The following TAF5L variants were observed in gnomAD, a reference collection of about 807,000 sequenced individuals.
TAF5L encodes the protein TATA-box binding protein associated factor 5 like.
Under a neutral mutation model 51.3 loss-of-function variants are expected in TAF5L, and 7 were observed. The observed-to-expected ratio is 0.14, with a 90% confidence interval of 0.08 to 0.26. The LOEUF (loss-of-function observed/expected upper bound fraction) is 0.26. Among genes scored for constraint, TAF5L ranks in the 10% least tolerant of loss-of-function variants. The pLI, the probability that TAF5L is intolerant of heterozygous loss-of-function variation, is 1.00. For missense variants in TAF5L, 575 were observed against 758.9 expected (o/e 0.76, Z 2.85); for synonymous variants, 291 against 308.1 (o/e 0.94, Z 0.58).
At chr1:229,624,497 T>A (rs376464451) in intron 1 of TAF5L, among the ~76,000 whole-genome samples, 1 of 152,108 alleles carries the variant, frequency 6.6e-6, no homozygotes, top group South Asian at 2.1e-4. Context: ...TTCATACACA[T>A]CATTCTTTTT....
At position 229,594,694 on chromosome 1, in the gene TAF5L, C is replaced by G; in HGVS notation, c.1373G>C (p.Gly458Ala). Residue 458 changes from glycine (G) to alanine (A), a missense_variant, in exon 5 of 5, where the codon GGG (glycine) becomes GCG (alanine). Gly to Ala is a moderately conservative substitution (Grantham distance 60). This residue lies in a region of TAF5L where 104 missense variants were observed against 218.3 expected (regional missense o/e 0.48). Transcript: ENST00000258281. This position sits in a 1 kb window ranked among gnomAD's most constrained non-coding sequence, Gnocchi z 7.9. The stretch of plus-strand genomic sequence containing the variant: ...GCCTGTGAAAAGCCTCACCGAGTTC[C>G]CCTGCTGAGCGCTCCACAGCCGGAC... 1 of 1,614,198 alleles carries G rather than the reference C, an allele frequency of 6.2e-7. No homozygotes were observed. Among genetic ancestry groups the G allele is most frequent in the Non-Finnish European group, 8.5e-7 (1 of 1,180,036 alleles).
At position 229,600,487 on chromosome 1, in the gene TAF5L, C is replaced by A. The variant is rs913774717; in HGVS notation, c.972+1708G>T. ...TTTAAGCCTGAAACACAAACGTCAC[C>A]CTTGATGCTTGCTCTCCCTTATCCC... On this transcript the variant is annotated intron_variant, in intron 4 of 4. Transcript: ENST00000258281. 3 of 985,264 alleles carry A rather than the reference C, an allele frequency of 3.0e-6. No individual in the cohort carries two copies. In the African/African-American group the frequency reaches 5.2e-5, roughly 17 times the overall value. 61.0% of individuals were successfully genotyped at this position (985,264 alleles called of 1,614,324 possible).
chr1:229,615,592 CAAAAAT>C (rs1258665180), intron 1 of TAF5L, among the ~76,000 whole-genome samples: 4 of 135,106 alleles, frequency 3.0e-5, no homozygotes, highest in Non-Finnish European at 6.4e-5. Context: ...TGTAGGTTCA[CAAAAAT>C]AAAAAGAAAA....
chr1:229,596,806 C>T (rs1198347827), intron 4 of TAF5L, among the ~76,000 whole-genome samples: 2 of 152,180 alleles, frequency 1.3e-5, no homozygotes, highest in Non-Finnish European at 1.5e-5. Context: ...TGATGAAGAT[C>T]CCCAAACCAG....
intron 1 of TAF5L, among the ~76,000 whole-genome samples, chr1:229,617,263 G>C (rs759163884): frequency 1.3e-5 from 2 of 152,144 alleles, no homozygotes; most frequent in Non-Finnish European, 2.9e-5. Flanking sequence ...GCAGATTCTG[G>C]TTGTGTTATA....
At chr1:229,615,709 A>G (rs965773210) in intron 1 of TAF5L, among the ~76,000 whole-genome samples, 2 of 152,064 alleles carry the variant, frequency 1.3e-5, no homozygotes, top group Admixed American at 6.5e-5. Flanking sequence ...CTCAAACACT[A>G]CTTTGCCAGA....
rs1558141927 is a variant in TAF5L at position 229,594,432 on chromosome 1, A to G, written c.1635T>C (p.Ser545=). 2.5e-6 allele frequency: 4 copies of G among 1,614,172 alleles called. No individual in the cohort carries two copies. The highest frequency in any genetic ancestry group is 2.2e-5 in the South Asian group (2 of 91,082). The change falls in exon 5 of 5, where the codon AGT becomes AGC. Residue 545 remains serine, a synonymous_variant. Transcript: ENST00000258281. This position sits in a 1 kb window ranked among gnomAD's most constrained non-coding sequence, Gnocchi z 7.9. ...CGCTGGAGGAGCCGTCGGCAGGTGC[A>G]CTGCAGTAAGTGTTCCTGATGTCCC...
rs1350459999 is a variant in TAF5L at position 229,602,212 on chromosome 1, C to G, written c.955G>C (p.Asp319His). ...ATTCATACCTCCTCCTCCAGAATAT[C>G]ACAAGCCAAATGGATGCGGGACACG... Residue 319 changes from aspartate to histidine, a missense_variant, in exon 4 of 5, where the codon GAT becomes CAT. Asp to His is a moderately conservative substitution (Grantham distance 81). Transcript: ENST00000258281. This position sits in a 1 kb window ranked among gnomAD's most constrained non-coding sequence, Gnocchi z 4.6. 1 of 1,613,480 alleles carries G rather than the reference C, an allele frequency of 6.2e-7. No individual in the cohort carries two copies. The highest frequency in any genetic ancestry group is 8.5e-7 in the Non-Finnish European group (1 of 1,179,518).
At chr1:229,597,270 G>A (rs1664157586) in intron 4 of TAF5L, among the ~76,000 whole-genome samples, 1 of 152,242 alleles carries the variant, frequency 6.6e-6, no homozygotes, top group African/African-American at 2.4e-5. Context: ...TTTGGAACAA[G>A]AAGCTATGGA....
At chr1:229,593,586 C>A (rs933463874) in exon 5 of TAF5L, 1 of 151,976 alleles carries the variant, frequency 6.6e-6, no homozygotes, top group Non-Finnish European at 1.5e-5. Context: ...ATCTGTCACC[C>A]GAAATTTCCC....
chr1:229,612,988 A>ATT (rs75367032), intron 2 of TAF5L, among the ~76,000 whole-genome samples: 1 of 151,636 alleles, frequency 6.6e-6, no homozygotes, highest in South Asian at 2.1e-4. Flanking sequence ...TATCCCAGCA[A>ATT]TTTTTTTCCC....
intron 4 of TAF5L, 70 bp from the exon 5 acceptor site, chr1:229,595,164 C>G: frequency 2.7e-6 from 4 of 1,480,220 alleles, no homozygotes; most frequent in Non-Finnish European, 3.6e-6. Context: ...ACAAGGAAAA[C>G]AAGTCCAGGA....
At chr1:229,606,525 C>G (rs562985814) in intron 3 of TAF5L, 1 of 985,222 alleles carries the variant, frequency 1.0e-6, no homozygotes, top group East Asian at 1.1e-4. Context: ...CTAATCCTGT[C>G]GGTCCTCATT....
chr1:229,600,571 C>A, intron 4 of TAF5L: 1 of 985,490 alleles, frequency 1.0e-6, no homozygotes, highest in Non-Finnish European at 1.2e-6. Flanking sequence ...TTTGCCACTG[C>A]CACTACCCTA....
intron 4 of TAF5L, chr1:229,600,963 C>T (rs1308878196): frequency 2.0e-6 from 2 of 985,054 alleles, no homozygotes; most frequent in East Asian, 1.1e-4. Flanking sequence ...GGCAGTATTC[C>T]TCAGTTTTAT....
At chr1:229,610,053 T>C in intron 3 of TAF5L, 53 bp downstream of exon 3, 1 of 1,528,740 alleles carries the variant, frequency 6.5e-7, no homozygotes, top group Non-Finnish European at 9.0e-7. Context: ...CCAAAGTTGG[T>C]CTGTATTACT....
At chr1:229,601,752 C>T (rs555588297) in intron 4 of TAF5L, 2 of 1,012,560 alleles carry the variant, frequency 2.0e-6, no homozygotes, top group Non-Finnish European at 2.4e-6. Context: ...GTTGCTGAGA[C>T]TGTGAAATGG....
chr1:229,615,508 T>C (rs1309254250), intron 1 of TAF5L, among the ~76,000 whole-genome samples: 1 of 152,124 alleles, frequency 6.6e-6, no homozygotes, highest in Non-Finnish European at 1.5e-5. Context: ...GTCTCATAAA[T>C]TCCTGTAAGA....
intron 3 of TAF5L, among the ~76,000 whole-genome samples, chr1:229,605,312 T>C (rs1664552131): frequency 6.6e-6 from 1 of 152,174 alleles, no homozygotes; most frequent in African/African-American, 2.4e-5. Flanking sequence ...TACCTCACCG[T>C]ATCAAAATTA....
Sources: allele counts gnomAD v4.1 joint callset (sites outside exome capture counted in the v4.1 genomes callset), GRCh38; gene constraint gnomAD v4.1.1; regional missense constraint gnomAD v4.1.1; non-coding constraint Gnocchi (gnomAD v3.1); transcripts MANE v1.5; gene names NCBI Gene and HGNC (gene_info 2026-07-23, HGNC 2026-07-21).